Variants in KCNJ3 observed in about 807,000 individuals in gnomAD.
KCNJ3 encodes the protein potassium inwardly rectifying channel subfamily J member 3.
KCNJ3 carries 4 observed loss-of-function variants against 39.2 expected under a neutral mutation model. That is an observed-to-expected ratio of 0.10 (90% CI 0.05 to 0.23). The LOEUF (loss-of-function observed/expected upper bound fraction) is 0.23. KCNJ3 is among the 10% of genes least tolerant of loss of function. KCNJ3 has a pLI of 1.00. For synonymous variants in KCNJ3, 230 were observed against 237.4 expected (o/e 0.97, Z 0.29); for missense variants, 276 against 634.9 (o/e 0.43, Z 6.08).
At chr2:154,787,543 A>C (rs936598174) in intron 2 of KCNJ3, among the ~76,000 whole-genome samples, 2 of 152,124 alleles carry the variant, frequency 1.3e-5, no homozygotes, top group African/African-American at 4.8e-5. Flanking sequence ...TATTCCCAGC[A>C]ATGCAGATCC....
At chr2:154,812,924 G>T (rs1687027353) in intron 2 of KCNJ3, among the ~76,000 whole-genome samples, 1 of 152,128 alleles carries the variant, frequency 6.6e-6, no homozygotes, top group African/African-American at 2.4e-5. Context: ...AGCACTTTGT[G>T]TATATCTTAT....
chr2:154,818,110 TC>T (rs1185564357), intron 2 of KCNJ3, among the ~76,000 whole-genome samples: 1 of 152,142 alleles, frequency 6.6e-6, no homozygotes, highest in Non-Finnish European at 1.5e-5. Flanking sequence ...GAATAAATAT[TC>T]CCTTTATTAT....
chr2:154,763,950 T>A (rs775363235), intron 2 of KCNJ3, among the ~76,000 whole-genome samples: 2 of 152,228 alleles, frequency 1.3e-5, no homozygotes, highest in Non-Finnish European at 2.9e-5. Context: ...ATATGAGGAA[T>A]GATTTTTAAA....
intron 2 of KCNJ3, among the ~76,000 whole-genome samples, chr2:154,852,880 A>T (rs1420510978): frequency 6.6e-6 from 1 of 152,162 alleles, no homozygotes; most frequent in Non-Finnish European, 1.5e-5. Context: ...ATATCTGATC[A>T]TAGTCAGATT....
intron 2 of KCNJ3, among the ~76,000 whole-genome samples, chr2:154,836,209 AAAAAAAAAAC>A (rs1238047444): frequency 6.8e-5 from 4 of 58,662 alleles, no homozygotes; most frequent in Non-Finnish European, 9.8e-5. Context: ...GACTGTCTCA[AAAAAAAAAAC>A]AAAAAAAAAC....
In KCNJ3 at chr2:154,794,504, G is replaced by C. The variant is rs191844176; in HGVS notation, c.920-60223G>C. Among the ~76,000 whole-genome samples, 53 of 152,078 alleles carry C rather than the reference G, an allele frequency of 3.5e-4. 1 individual carries two copies. Among genetic ancestry groups the C allele is most frequent in the Non-Finnish European group, 5.9e-5 (4 of 67,896 alleles). On this transcript the variant is annotated intron_variant, in intron 2 of 2. Coordinates refer to ENST00000295101, the MANE Select transcript of KCNJ3 (RefSeq NM_002239.4). ...TGAGGTTGGTGCTTGTTCCAAGTTA[G>C]AGCAGCATGCAATATGTTGCAGTAT...
intron 2 of KCNJ3, among the ~76,000 whole-genome samples, chr2:154,852,371 G>A (rs1687770464): frequency 1.3e-5 from 2 of 152,026 alleles, no homozygotes; most frequent in South Asian, 4.2e-4. Flanking sequence ...ACCGCAGCCT[G>A]GGCGACAGAG....
rs1194696592 is a variant in KCNJ3, at chr2:154,836,203, G to A, written c.920-18524G>A. 2.7e-5 allele frequency among the ~76,000 whole-genome samples: 3 copies of A among 111,304 alleles called. No homozygotes were observed. In the Admixed American group the frequency reaches 3.3e-4, roughly 12 times the overall value. 73.0% of individuals were successfully genotyped at this position (111,304 alleles called of 152,430 possible). On this transcript the variant is annotated intron_variant, in intron 2 of 2. Transcript: ENST00000295101. ...CCAGCCTAGGTGACAGAGCAAGACT[G>A]TCTCAAAAAAAAAAACAAAAAAAAA...
chr2:154,798,208 ACACACACACACACG>A (rs1424088581), intron 2 of KCNJ3, among the ~76,000 whole-genome samples: 12 of 127,084 alleles, frequency 9.4e-5, no homozygotes, highest in African/African-American at 2.2e-4. Context: ...ACACACACAC[ACACACACACACACG>A]CACAGAGTCT....
intron 2 of KCNJ3, among the ~76,000 whole-genome samples, chr2:154,846,697 C>A (rs751922401): frequency 1.3e-5 from 2 of 152,136 alleles, no homozygotes; most frequent in Non-Finnish European, 2.9e-5. Context: ...TGTTTTCTAC[C>A]TGACCATGAG....
chr2:154,704,496 C>A (rs1326770342), intron 1 of KCNJ3, among the ~76,000 whole-genome samples: 3 of 152,110 alleles, frequency 2.0e-5, no homozygotes, highest in Non-Finnish European at 4.4e-5. Context: ...AAGAAATGTT[C>A]TTTTCATAAA....
At chr2:154,707,319 T>C (rs1685030825) in intron 1 of KCNJ3, among the ~76,000 whole-genome samples, 1 of 152,042 alleles carries the variant, frequency 6.6e-6, no homozygotes, top group Non-Finnish European at 1.5e-5. Flanking sequence ...TCAGAAGGTA[T>C]ATTAAGTCTC....
intron 2 of KCNJ3, among the ~76,000 whole-genome samples, chr2:154,740,767 A>G (rs1685639907): frequency 6.6e-6 from 1 of 152,050 alleles, no homozygotes; most frequent in Non-Finnish European, 1.5e-5. Flanking sequence ...GTACAAAATC[A>G]TTTTAATGTG....
intron 1 of KCNJ3, among the ~76,000 whole-genome samples, chr2:154,701,697 A>G (rs779403033): frequency 5.9e-5 from 9 of 152,116 alleles, no homozygotes; most frequent in Middle Eastern, 3.2e-3. Flanking sequence ...AACAATACAT[A>G]TAATATTCTT....
chr2:154,782,095 T>C (rs1686449888), intron 2 of KCNJ3, among the ~76,000 whole-genome samples: 1 of 152,194 alleles, frequency 6.6e-6, no homozygotes, highest in Non-Finnish European at 1.5e-5. Context: ...AGCTTCATCA[T>C]GTTCATCATG....
chr2:154,847,375 G>T (rs1687679721), intron 2 of KCNJ3, among the ~76,000 whole-genome samples: 1 of 152,156 alleles, frequency 6.6e-6, no homozygotes, highest in Non-Finnish European at 1.5e-5. Flanking sequence ...TGAAATTTTG[G>T]AAGTACCTTA....
rs185114362 is a variant in KCNJ3, at chr2:154,812,460, G to T, written c.920-42267G>T. On this transcript the variant is annotated intron_variant, in intron 2 of 2. Coordinates refer to ENST00000295101, the MANE Select transcript of KCNJ3 (RefSeq NM_002239.4). ...TAAAAGAGTCTTTAAAAAATCTCTA[G>T]CTAAGCTTTCCTGATCTACCATTGC... 3.5e-3 allele frequency among the ~76,000 whole-genome samples: 527 copies of T among 152,124 alleles called. 2 individuals carry two copies. Among genetic ancestry groups the T allele is most frequent in the Middle Eastern group, 6.9e-3 (2 of 290 alleles).
chr2:154,729,993 C>T (rs1382728510), intron 2 of KCNJ3, among the ~76,000 whole-genome samples: 1 of 152,014 alleles, frequency 6.6e-6, no homozygotes, highest in Non-Finnish European at 1.5e-5. Context: ...TCTTACCCTC[C>T]TTTACCGTCT....
rs145833957 is a variant in KCNJ3, at chr2:154,799,275, G to C, written c.920-55452G>C. On this transcript the variant is annotated intron_variant, in intron 2 of 2. Coordinates refer to ENST00000295101, the MANE Select transcript of KCNJ3 (RefSeq NM_002239.4). ...GCCTCCCCGTAGCTGGGATAGCTGG[G>C]GTTATAGGTGTGCGCCACCACGCCC... 2.9e-3 allele frequency among the ~76,000 whole-genome samples: 443 copies of C among 152,168 alleles called. 4 individuals are homozygous for C. Among genetic ancestry groups the C allele is most frequent in the African/African-American group, 0.01 (429 of 41,514 alleles).
Sources: gnomAD v4.1 joint callset for allele counts (sites outside exome capture counted in the v4.1 genomes callset) on GRCh38, gnomAD v4.1.1 for gene constraint, MANE v1.5 for transcripts, NCBI Gene and HGNC (gene_info 2026-07-23, HGNC 2026-07-21) for gene names.